Variants in CA11 observed in about 807,000 individuals in gnomAD.
CA11 encodes the protein carbonic anhydrase 11 (inactive), also known as carbonic anhydrase-related protein 11.
In CA11, 20 loss-of-function variants were observed where a neutral mutation model predicts 39.3. The observed-to-expected ratio is 0.51, with a 90% confidence interval of 0.36 to 0.74. CA11 has a LOEUF of 0.74. CA11 is among the 30% of genes least tolerant of loss of function. CA11 has a pLI of 0.00. For synonymous variants in CA11, 166 were observed against 172.5 expected, an observed-to-expected ratio of 0.96 and a Z score of 0.29; for missense variants, 336 against 424.6, an observed-to-expected ratio of 0.79 and a Z score of 1.83.
chr19:48,638,344 G>C (rs1360586795), intron 8 of CA11, 200 bp from the exon 9 acceptor site: 7 of 741,488 alleles, frequency 9.4e-6, no homozygotes, highest in Non-Finnish European at 1.1e-5. Flanking sequence ...TCCAGATTCA[G>C]CAGTAGGCTG....
At chr19:48,640,659 C>T (rs1301031008) in intron 3 of CA11, among the ~76,000 whole-genome samples, 1 of 151,444 alleles carries the variant, frequency 6.6e-6, no homozygotes, top group African/African-American at 2.4e-5. Flanking sequence ...CAGGCGTGAG[C>T]CACCGCACCC....
chr19:48,640,025 G>A (rs540649141), intron 4 of CA11, 70 bp downstream of exon 4: 5 of 1,545,924 alleles, frequency 3.2e-6, no homozygotes, highest in Admixed American at 3.4e-5. Flanking sequence ...GAGACACTAA[G>A]AGGGTGAGGT....
In CA11 at chr19:48,643,212, G is replaced by C. The variant is rs1359373862; in HGVS notation, c.285+1215C>G. On this transcript the variant is annotated intron_variant, in intron 3 of 8. Transcript: ENST00000084798. The surrounding 1 kb of genome is among the most constrained non-coding windows in gnomAD (Gnocchi z 4.3). ...CTTTCTTTTCTCTCCCTCTCTCTCTGTATTTATTTCTTTCTGAGATGGAGT... is the reference window on the plus strand; with the variant it reads ...CTTTCTTTTCTCTCCCTCTCTCTCTCTATTTATTTCTTTCTGAGATGGAGT... Among the ~76,000 whole-genome samples the C allele has an allele frequency of 6.7e-6, 1 of 148,356 alleles. No homozygotes were observed. Among genetic ancestry groups the C allele is most frequent in the African/African-American group, 2.5e-5 (1 of 39,944 alleles).
At chr19:48,644,610 T>C (rs991175238) in intron 2 of CA11, 41 bp from the exon 3 acceptor site, 3 of 1,474,878 alleles carry the variant, frequency 2.0e-6, no homozygotes. Context: ...GAGTCAGAAA[T>C]AGAGACTGGA....
At chr19:48,639,126 GC>G (rs2030972563) in intron 7 of CA11, 73 bp from the exon 8 acceptor site, 9 of 1,582,150 alleles carry the variant, frequency 5.7e-6, no homozygotes, top group Non-Finnish European at 7.8e-6. Context: ...AGGAAACCCC[GC>G]CCCTGGGAGC....
Position 48,640,806 on chromosome 19 carries a change from CT to C in CA11, c.286-527del, listed in dbSNP as rs2031057034. Among the ~76,000 whole-genome samples, 9 of 152,186 alleles carry C rather than the reference CT, an allele frequency of 5.9e-5. No homozygotes were observed. In the South Asian group the frequency reaches 1.9e-3, roughly 32 times the overall value. ...TCTCCTGCCTCAGCCTCCAGAGTGG[CT>C]GGGACTACAGGCGCCCGCCACCACA... On this transcript the variant is annotated intron_variant, in intron 3 of 8. Coordinates refer to ENST00000084798, the MANE Select transcript of CA11 (RefSeq NM_001217.5).
intron 2 of CA11, 82 bp from the exon 3 acceptor site, chr19:48,644,651 T>C (rs1024440991): frequency 7.4e-6 from 9 of 1,213,468 alleles, no homozygotes; most frequent in Admixed American, 5.8e-5. Context: ...GAGTGGGCTG[T>C]GGTCTGGACT....
At chr19:48,641,317 C>G (rs1050627368) in intron 3 of CA11, among the ~76,000 whole-genome samples, 3 of 152,230 alleles carry the variant, frequency 2.0e-5, no homozygotes, top group African/African-American at 4.8e-5. Flanking sequence ...AATTTGAACA[C>G]TGACCACTTT....
chr19:48,639,228 G>C (rs2030980358), intron 7 of CA11, 77 bp downstream of exon 7: 1 of 1,568,334 alleles, frequency 6.4e-7, no homozygotes, highest in Non-Finnish European at 8.7e-7. Context: ...GAGAGGGAGG[G>C]CAGGTGAGCA....
At chr19:48,641,605 A>G (rs765224401) in intron 3 of CA11, among the ~76,000 whole-genome samples, 49 of 152,014 alleles carry the variant, frequency 3.2e-4, no homozygotes, top group Non-Finnish European at 6.5e-4. Context: ...TAGATGGGGG[A>G]TGTCAGGAAA....
chr19:48,643,402 GT>G lies in CA11; in HGVS notation c.285+1024del, dbSNP rs2031148938. ...TTTTTGTATTTTTAGTAGAGATGGG[GT>G]TTCACCATGTTGGCCAGGCTGATCT... On this transcript the variant is annotated intron_variant, in intron 3 of 8. Coordinates refer to ENST00000084798, the MANE Select transcript of CA11 (RefSeq NM_001217.5). This position sits in a 1 kb window ranked among gnomAD's most constrained non-coding sequence, Gnocchi z 4.3. Among the ~76,000 whole-genome samples, 1 of 151,592 alleles carries G rather than the reference GT, an allele frequency of 6.6e-6. No individual in the cohort carries two copies.
At chr19:48,640,807 T>TG (rs1174175558) in intron 3 of CA11, among the ~76,000 whole-genome samples, 2 of 152,066 alleles carry the variant, frequency 1.3e-5, no homozygotes, top group Non-Finnish European at 2.9e-5. Context: ...CCAGAGTGGC[T>TG]GGGACTACAG....
At position 48,644,447 on chromosome 19, in the gene CA11, G is replaced by C; in HGVS notation, c.265C>G (p.Leu89Val). 6.2e-7 allele frequency: 1 copy of C among 1,607,340 alleles called. No homozygotes were observed. The highest frequency in any genetic ancestry group is 8.5e-7 in the Non-Finnish European group (1 of 1,175,792). ...CTTACCTTCTCTCCTCCAGTGCTGA[G>C]CCTTAATGGGGGCAGAAAGGGGTCA... ...LYDPFLPPLR[L>V]STGGEKLRGT... The change falls in exon 3 of 9, where the codon CTC becomes GTC. Residue 89 changes from leucine (L) to valine (V), a missense_variant. Leu to Val is a conservative substitution (Grantham distance 32, BLOSUM62 1). Transcript: ENST00000084798.
chr19:48,643,295 C>T lies in CA11; in HGVS notation c.285+1132G>A, dbSNP rs1020312818. ...CGTGATGTCAGCTCACTGCAACCTC[C>T]GCCTCCCGGGTTCAAGCAATTCTCC... On this transcript the variant is annotated intron_variant, in intron 3 of 8. Coordinates refer to ENST00000084798, the MANE Select transcript of CA11 (RefSeq NM_001217.5). The surrounding 1 kb of genome is among the most constrained non-coding windows in gnomAD (Gnocchi z 4.3). Among the ~76,000 whole-genome samples, 7 of 152,130 alleles carry T rather than the reference C, an allele frequency of 4.6e-5. No homozygotes were observed. The highest frequency in any genetic ancestry group is 1.3e-4 in the Admixed American group (2 of 15,268).
intron 5 of CA11, 44 bp downstream of exon 5, chr19:48,639,744 A>G: frequency 6.3e-7 from 1 of 1,596,674 alleles, no homozygotes; most frequent in Non-Finnish European, 8.6e-7. Context: ...CCCGGGTTCC[A>G]GGCACCCAAC....
intron 3 of CA11, among the ~76,000 whole-genome samples, chr19:48,640,538 C>A (rs1394552888): frequency 6.6e-6 from 1 of 151,680 alleles, no homozygotes; most frequent in Non-Finnish European, 1.5e-5. Context: ...CCATGCCCGG[C>A]TAATTTTTTA....
At chr19:48,638,445 A>G in intron 8 of CA11, 2 of 976,220 alleles carry the variant, frequency 2.0e-6, no homozygotes, top group Non-Finnish European at 2.5e-6. Context: ...GCTAAACCAC[A>G]GGGAGGCAGA....
At chr19:48,640,367 CTTTTTT>C (rs11372081) in intron 3 of CA11, 87 bp from the exon 4 acceptor site, 113 of 324,550 alleles carry the variant, frequency 3.5e-4, no homozygotes, top group East Asian at 8.5e-4. Flanking sequence ...TTCCAACAGT[CTTTTTT>C]TTTTTTTTTT....
chr19:48,644,383 C>T (rs1282888021), intron 3 of CA11, 44 bp downstream of exon 3: 2 of 1,506,638 alleles, frequency 1.3e-6, no homozygotes, highest in East Asian at 4.6e-5. Context: ...CTATTCATGC[C>T]CATCCCCAGT....
Sources: allele counts gnomAD v4.1 joint callset (sites outside exome capture counted in the v4.1 genomes callset), GRCh38; gene constraint gnomAD v4.1.1; non-coding constraint Gnocchi (gnomAD v3.1); transcripts MANE v1.5; gene names NCBI Gene and HGNC (gene_info 2026-07-23, HGNC 2026-07-21).